Variants in FUT9 observed in about 807,000 individuals in gnomAD.
The protein encoded by FUT9 is fucosyltransferase 9.
In FUT9, 15 loss-of-function variants were observed where a neutral mutation model predicts 29.7. The ratio of observed to expected loss-of-function variants is 0.51; its 90% confidence interval spans 0.34 to 0.78. FUT9 has a LOEUF of 0.78. Ranked by LOEUF, FUT9 falls within the 30% of genes least tolerant of loss-of-function variation. The pLI, the probability that FUT9 is intolerant of heterozygous loss-of-function variation, is 0.01. For missense variants in FUT9, 319 were observed against 425.4 expected, an observed-to-expected ratio of 0.75 and a Z score of 2.20; for synonymous variants, 169 against 153.7, an observed-to-expected ratio of 1.10 and a Z score of -0.74.
chr6:96,040,233 A>G (rs1175452717), intron 1 of FUT9, among the ~76,000 whole-genome samples: 2 of 152,166 alleles, frequency 1.3e-5, no homozygotes, highest in Non-Finnish European at 2.9e-5. Context: ...CTAGTTGAGA[A>G]CCATTTAGAA....
chr6:96,017,334 A>G (rs2127918922), intron 1 of FUT9, among the ~76,000 whole-genome samples: 1 of 152,274 alleles, frequency 6.6e-6, no homozygotes, highest in South Asian at 2.1e-4. Flanking sequence ...TTAGCACCAG[A>G]CGGTATTGCT....
intron 1 of FUT9, among the ~76,000 whole-genome samples, chr6:96,066,922 A>T (rs1272992748): frequency 6.6e-6 from 1 of 152,000 alleles, no homozygotes; most frequent in African/African-American, 2.4e-5. Flanking sequence ...CTGAATTTTT[A>T]AAAATGAACA....
At chr6:96,198,372 G>GT (rs1247058449) in intron 2 of FUT9, among the ~76,000 whole-genome samples, 1 of 151,438 alleles carries the variant, frequency 6.6e-6, no homozygotes, top group African/African-American at 2.4e-5. Context: ...GCAGTGTTTG[G>GT]TTTTTTGTTC....
chr6:96,088,820 A>C (rs1161756655), intron 1 of FUT9, among the ~76,000 whole-genome samples: 1 of 132,358 alleles, frequency 7.6e-6, no homozygotes, highest in Non-Finnish European at 1.6e-5. Context: ...TCCTTGCATG[A>C]CTGGCTATTT....
intron 2 of FUT9, among the ~76,000 whole-genome samples, chr6:96,135,591 A>G (rs1220474239): frequency 1.3e-5 from 2 of 151,926 alleles, no homozygotes; most frequent in Non-Finnish European, 2.9e-5. Context: ...TATACTGCAT[A>G]AAGACATGCA....
intron 1 of FUT9, among the ~76,000 whole-genome samples, chr6:96,111,260 T>C (rs1231372011): frequency 6.6e-6 from 1 of 152,070 alleles, no homozygotes; most frequent in Non-Finnish European, 1.5e-5. Context: ...TTCCCACCTC[T>C]ACCCCACGGC....
At chr6:96,182,719 TG>T in intron 2 of FUT9, among the ~76,000 whole-genome samples, 1 of 152,284 alleles carries the variant, frequency 6.6e-6, no homozygotes, top group Admixed American at 6.5e-5. Context: ...TTTATGTTTT[TG>T]TTTGCTTTGT....
chr6:96,018,827 T>G (rs939438957), intron 1 of FUT9, among the ~76,000 whole-genome samples: 4 of 151,640 alleles, frequency 2.6e-5, no homozygotes, highest in African/African-American at 9.7e-5. Context: ...AAGGGAGAGA[T>G]AGAGAGAAAG....
At chr6:96,026,163 G>A (rs1770164258) in intron 1 of FUT9, among the ~76,000 whole-genome samples, 1 of 151,642 alleles carries the variant, frequency 6.6e-6, no homozygotes, top group Non-Finnish European at 1.5e-5. Flanking sequence ...TGTGCAAAAT[G>A]TGAAAGACCC....
chr6:96,145,319 G>A (rs1193059960), intron 2 of FUT9, among the ~76,000 whole-genome samples: 1 of 152,128 alleles, frequency 6.6e-6, no homozygotes, highest in African/African-American at 2.4e-5. Flanking sequence ...GCCTCCCAAA[G>A]TGCTGGGATT....
intron 1 of FUT9, among the ~76,000 whole-genome samples, chr6:96,024,897 C>T (rs887026011): frequency 5.9e-5 from 9 of 151,732 alleles, no homozygotes; most frequent in South Asian, 2.1e-4. Context: ...GAAAAATCTC[C>T]TCAAGAGGAG....
At chr6:96,114,446 TA>T (rs573171207) in intron 2 of FUT9, among the ~76,000 whole-genome samples, 33 of 151,566 alleles carry the variant, frequency 2.2e-4, no homozygotes, top group African/African-American at 4.6e-4. Context: ...TAGAAAAAAG[TA>T]AAAAAAATTA....
At chr6:96,043,576 T>A (rs1284135727) in intron 1 of FUT9, among the ~76,000 whole-genome samples, 1 of 152,236 alleles carries the variant, frequency 6.6e-6, no homozygotes, top group Non-Finnish European at 1.5e-5. Context: ...ATACTAGAAG[T>A]ACATTATTAA....
At chr6:96,169,034 C>T (rs548471488) in intron 2 of FUT9, among the ~76,000 whole-genome samples, 9 of 152,110 alleles carry the variant, frequency 5.9e-5, no homozygotes, top group South Asian at 2.1e-4. Context: ...AGTGGGTTGA[C>T]GTTCTGTTCT....
chr6:96,044,495 A>G (rs1770523958), intron 1 of FUT9, among the ~76,000 whole-genome samples: 1 of 152,256 alleles, frequency 6.6e-6, no homozygotes, highest in African/African-American at 2.4e-5. Flanking sequence ...TGTATTTTCT[A>G]GCAGTGCTGC....
rs180754283 is a variant in FUT9 at position 96,062,769 on chromosome 6, G to A, written c.-98+46557G>A. ...GGTAATGTTTTTATAAAAATAAGAG[G>A]AAAATAAACTGTTTCCCCTTTGTAA... is the stretch of plus-strand genomic sequence containing the variant. On this transcript the variant is annotated intron_variant, in intron 1 of 2. Coordinates refer to ENST00000302103, the MANE Select transcript of FUT9 (RefSeq NM_006581.4). 1.2e-3 allele frequency among the ~76,000 whole-genome samples: 176 copies of A among 151,740 alleles called. 1 individual carries two copies. The highest frequency in any genetic ancestry group is 4.0e-3 in the African/African-American group (166 of 41,380).
At position 96,058,055 on chromosome 6, in the gene FUT9, C is replaced by T. The variant is rs552618225; in HGVS notation, c.-98+41843C>T. ...CTGCTGCTTGATCTTGTTTGATATT[C>T]TTCAGCACTCTACTTTTTATAACGG... On this transcript the variant is annotated intron_variant, in intron 1 of 2. Transcript: ENST00000302103. 4.6e-5 allele frequency among the ~76,000 whole-genome samples: 7 copies of T among 152,048 alleles called. No individual in the cohort carries two copies. The South Asian group carries it at 1.5e-3, about 32-fold the overall frequency.
At position 96,107,424 on chromosome 6, in the gene FUT9, A is replaced by G. The variant is rs540512847; in HGVS notation, c.-97-6615A>G. On this transcript the variant is annotated intron_variant, in intron 1 of 2. Transcript: ENST00000302103. Reference sequence around the variant, plus strand: ...TTTTAGAACAAATTTCATTTTCTCCAATCTTTGAATAAAATAGATGCTTTA... The same window carrying G: ...TTTTAGAACAAATTTCATTTTCTCCGATCTTTGAATAAAATAGATGCTTTA... 2.4e-3 allele frequency among the ~76,000 whole-genome samples: 363 copies of G among 152,250 alleles called. 1 individual carries two copies. Among genetic ancestry groups the G allele is most frequent in the African/African-American group, 8.5e-3 (355 of 41,550 alleles).
chr6:96,144,448 CT>C (rs1400125467), intron 2 of FUT9, among the ~76,000 whole-genome samples: 1 of 152,116 alleles, frequency 6.6e-6, no homozygotes, highest in African/African-American at 2.4e-5. Flanking sequence ...TAGATGCACC[CT>C]ACAATAATTG....
Sources: allele counts gnomAD v4.1 joint callset (sites outside exome capture counted in the v4.1 genomes callset), GRCh38; gene constraint gnomAD v4.1.1; transcripts MANE v1.5; gene names NCBI Gene and HGNC (gene_info 2026-07-23, HGNC 2026-07-21).